PCSK5: variants seen among roughly 807,000 people sequenced by gnomAD.
The protein encoded by PCSK5 is prohormone convertase 5.
A neutral mutation model predicts 233.2 loss-of-function variants in PCSK5; 129 were observed. That is an observed-to-expected ratio of 0.55 (90% CI 0.48 to 0.64). PCSK5 has a LOEUF of 0.64. Ranked by LOEUF, PCSK5 falls within the 30% of genes least tolerant of loss-of-function variation. The pLI is 0.00. For missense variants in PCSK5, 2,076 were observed against 2,430.1 expected, an observed-to-expected ratio of 0.85 and a Z score of 3.06; for synonymous variants, 825 against 879.2, an observed-to-expected ratio of 0.94 and a Z score of 1.09.
rs5898474 is a variant in PCSK5 at position 76,347,763 on chromosome 9, G to GA, written c.4967-3049dup. ...AAAACTCCGTCTCCAAAAATAAAAA[G>GA]AAAAAAAAAAAAAAAAGAAAGAAAA... is the stretch of plus-strand genomic sequence containing the variant. On this transcript the variant is annotated intron_variant, in intron 35 of 37. Coordinates refer to ENST00000674117, the MANE Select transcript of PCSK5 (RefSeq NM_001372043.1). Among the ~76,000 whole-genome samples, 160 of 126,210 alleles carry GA rather than the reference G, an allele frequency of 1.3e-3. 1 individual carries two copies. Among genetic ancestry groups the GA allele is most frequent in the African/African-American group, 5.0e-3 (142 of 28,538 alleles). The allele number at this position is 126,210 out of a possible 152,430, so 82.8% of individuals were successfully genotyped here.
At chr9:75,931,390 A>G (rs1198408693) in intron 1 of PCSK5, among the ~76,000 whole-genome samples, 1 of 152,110 alleles carries the variant, frequency 6.6e-6, no homozygotes, top group African/African-American at 2.4e-5. Flanking sequence ...TGCCTAAAGC[A>G]TGTGAGTGTC....
At chr9:76,246,559 A>G (rs1303499486) in intron 24 of PCSK5, among the ~76,000 whole-genome samples, 1 of 152,128 alleles carries the variant, frequency 6.6e-6, no homozygotes, top group Non-Finnish European at 1.5e-5. Context: ...CTTGGACCCC[A>G]CAACACCCCT....
In PCSK5 at chr9:76,107,102, G is replaced by A. The variant is rs574374070; in HGVS notation, c.1108-149G>A. The A allele has an allele frequency of 1.1e-5, 6 of 533,598 alleles. No individual in the cohort carries two copies. The East Asian group carries it at 1.5e-4, about 13-fold the overall frequency. 33.1% of individuals were successfully genotyped at this position (533,598 alleles called of 1,614,324 possible). On this transcript the variant is annotated intron_variant, in intron 8 of 37. Transcript: ENST00000674117. Reference sequence around the variant, plus strand: ...GATCTACACAGTCAATTCTCTGGAAGTGATATGATTTACAGGCGTGTAGGA... The same window carrying A: ...GATCTACACAGTCAATTCTCTGGAAATGATATGATTTACAGGCGTGTAGGA...
At chr9:75,897,088 C>T (rs1236730537) in intron 1 of PCSK5, among the ~76,000 whole-genome samples, 3 of 152,158 alleles carry the variant, frequency 2.0e-5, no homozygotes, top group African/African-American at 7.2e-5. Flanking sequence ...AATACCTACT[C>T]CATCCACCTC....
intron 34 of PCSK5, among the ~76,000 whole-genome samples, chr9:76,335,213 A>G (rs1158332603): frequency 6.6e-6 from 1 of 152,210 alleles, no homozygotes; most frequent in Non-Finnish European, 1.5e-5. Flanking sequence ...CTCAAACACA[A>G]AAAGGGTGCT....
intron 30 of PCSK5, among the ~76,000 whole-genome samples, chr9:76,314,169 A>T (rs904363546): frequency 2.6e-5 from 4 of 152,168 alleles, no homozygotes; most frequent in Non-Finnish European, 5.9e-5. Flanking sequence ...CGCTTAATGT[A>T]TTTTACCTCA....
intron 4 of PCSK5, among the ~76,000 whole-genome samples, chr9:76,025,724 T>C (rs1419990260): frequency 6.6e-6 from 1 of 152,210 alleles, no homozygotes; most frequent in Non-Finnish European, 1.5e-5. Flanking sequence ...TCCCTCCTTA[T>C]ACTCTTGTAT....
intron 24 of PCSK5, among the ~76,000 whole-genome samples, chr9:76,246,684 G>A (rs1826611646): frequency 6.6e-6 from 1 of 152,194 alleles, no homozygotes; most frequent in Non-Finnish European, 1.5e-5. Context: ...CTAAATGCTT[G>A]TCCATGGAAG....
intron 5 of PCSK5, among the ~76,000 whole-genome samples, chr9:76,064,413 C>T (rs1830185793): frequency 8.0e-6 from 1 of 125,132 alleles, no homozygotes; most frequent in African/African-American, 3.5e-5. Context: ...GGGGGGCTGA[C>T]CCCCCCACCT....
intron 5 of PCSK5, among the ~76,000 whole-genome samples, chr9:76,031,641 A>G (rs1828656109): frequency 6.6e-6 from 1 of 152,168 alleles, no homozygotes; most frequent in Non-Finnish European, 1.5e-5. Context: ...GTGAGCCAAG[A>G]TTGTGCCACT....
rs981734498 is a variant in PCSK5, at chr9:76,159,280, G to A, written c.1619+109G>A. The A allele has an allele frequency of 4.2e-6, 4 of 947,106 alleles. No homozygotes were observed. The African/African-American group carries it at 6.6e-5, about 16-fold the overall frequency. 58.7% of individuals were successfully genotyped at this position (947,106 alleles called of 1,614,324 possible). ...TTCACCTAACCTGGGAACCAGCAGAGGGGGTGCTTAGATGTCAGGATCTCA... is the reference window on the plus strand; with the variant it reads ...TTCACCTAACCTGGGAACCAGCAGAAGGGGTGCTTAGATGTCAGGATCTCA... On this transcript the variant is annotated intron_variant, in intron 12 of 37. Transcript: ENST00000674117.
Position 76,189,741 on chromosome 9 carries a change from A to C in PCSK5, c.2621A>C (p.Lys874Thr). 6.6e-7 allele frequency: 1 copy of C among 1,519,554 alleles called. No individual in the cohort carries two copies. The highest frequency in any genetic ancestry group is 9.1e-7 in the Non-Finnish European group (1 of 1,093,842). The allele number at this position is 1,519,554 out of a possible 1,614,324, so 94.1% of individuals were successfully genotyped here. A position where few individuals can be genotyped will look rare whatever the true frequency, so the allele number is the denominator to read the frequency against. Reference sequence around the variant, plus strand: ...ATGTGTCAAATGGGAGCCATTTGCAAGGATGGTGAGTACAACTGCCCATAT... The same window carrying C: ...ATGTGTCAAATGGGAGCCATTTGCACGGATGGTGAGTACAACTGCCCATAT... ...LGMCQMGAICKDGEYVDEHGH... is the reference protein window; with the variant it reads ...LGMCQMGAICTDGEYVDEHGH... Residue 874 changes from lysine to threonine, a missense_variant, in exon 20 of 38, where the codon AAG becomes ACG. This residue lies in a region of PCSK5 where 1,510 missense variants were observed against 1,538.1 expected (regional missense o/e 0.98). Transcript: ENST00000674117.
At chr9:76,130,409 A>G (rs1348237881) in intron 9 of PCSK5, among the ~76,000 whole-genome samples, 1 of 152,200 alleles carries the variant, frequency 6.6e-6, no homozygotes, top group African/African-American at 2.4e-5. Context: ...GATTGATAGC[A>G]TAAGTTATAC....
At chr9:75,932,520 A>T in intron 2 of PCSK5, 37 bp downstream of exon 2, 1 of 1,228,998 alleles carries the variant, frequency 8.1e-7, no homozygotes, top group Non-Finnish European at 1.2e-6. Flanking sequence ...CAAGAGGCAA[A>T]GCTTCTGCAT....
At chr9:76,047,326 G>A (rs1256834447) in intron 5 of PCSK5, among the ~76,000 whole-genome samples, 1 of 152,088 alleles carries the variant, frequency 6.6e-6, no homozygotes, top group African/African-American at 2.4e-5. Context: ...TCGATCTGCT[G>A]ACGTTGTGAT....
chr9:76,048,125 G>A (rs148218235), intron 5 of PCSK5, among the ~76,000 whole-genome samples: 3 of 152,180 alleles, frequency 2.0e-5, no homozygotes, highest in Admixed American at 2.0e-4. Flanking sequence ...TGAGTGTGAT[G>A]GAAGCTGTTC....
In PCSK5 at chr9:76,255,222, G is replaced by T. The variant is rs538810794; in HGVS notation, c.3142+14538G>T. Among the ~76,000 whole-genome samples, 3 of 152,214 alleles carry T rather than the reference G, an allele frequency of 2.0e-5. No homozygotes were observed. The East Asian group carries it at 5.8e-4, about 29-fold the overall frequency. On this transcript the variant is annotated intron_variant, in intron 24 of 37. Coordinates refer to ENST00000674117, the MANE Select transcript of PCSK5 (RefSeq NM_001372043.1). ...TGATTGCCTGAGCCCGGGAAATTGA[G>T]GTTTCAGTGAGCTGTGATCATGCCA...
At chr9:76,042,185 C>T (rs767898763) in intron 5 of PCSK5, among the ~76,000 whole-genome samples, 2 of 152,208 alleles carry the variant, frequency 1.3e-5, no homozygotes, top group Non-Finnish European at 2.9e-5. Flanking sequence ...AAAGAAAAAA[C>T]ACCATGAAAT....
chr9:76,326,385 C>CA (rs201322846), intron 32 of PCSK5, among the ~76,000 whole-genome samples: 2,914 of 142,152 alleles, frequency 0.02, 103 homozygotes, highest in African/African-American at 0.069. Flanking sequence ...GAACCTATAG[C>CA]AAAAAAAAGA....
Sources: allele counts gnomAD v4.1 joint callset (sites outside exome capture counted in the v4.1 genomes callset), GRCh38; gene constraint gnomAD v4.1.1; regional missense constraint gnomAD v4.1.1; transcripts MANE v1.5; gene names NCBI Gene and HGNC (gene_info 2026-07-23, HGNC 2026-07-21).